SHANK2: variants seen among roughly 807,000 people sequenced by gnomAD.
SHANK2 encodes the protein SH3 and multiple ankyrin repeat domains protein 2.
Under a neutral mutation model 133.7 loss-of-function variants are expected in SHANK2, and 43 were observed. That is an observed-to-expected ratio of 0.32 (90% CI 0.25 to 0.41). The LOEUF is 0.41. SHANK2 is among the 10% of genes least tolerant of loss of function. SHANK2 has a pLI of 1.00. For missense variants in SHANK2, 1,994 were observed against 2,235.8 expected (o/e 0.89, Z 2.18); for synonymous variants, 1,017 against 952.8 (o/e 1.07, Z -1.24).
chr11:70,684,623 T>C (rs2134404633), intron 15 of SHANK2, among the ~76,000 whole-genome samples: 1 of 152,122 alleles, frequency 6.6e-6, no homozygotes, highest in South Asian at 2.1e-4. Flanking sequence ...CGGTTTGGTA[T>C]CTCACACTCC....
chr11:70,717,750 G>A (rs565829661), intron 14 of SHANK2, among the ~76,000 whole-genome samples: 2 of 151,944 alleles, frequency 1.3e-5, no homozygotes, highest in East Asian at 1.9e-4. Context: ...ACTGCTCCTC[G>A]GGGTCTCCAC....
chr11:70,884,505 G>A (rs1479289670), intron 11 of SHANK2, among the ~76,000 whole-genome samples: 5 of 152,320 alleles, frequency 3.3e-5, no homozygotes, highest in Admixed American at 6.5e-5. Context: ...AGCCAGCCCT[G>A]CCTTGGACCA....
chr11:70,619,941 A>T (rs1279924787), intron 17 of SHANK2, among the ~76,000 whole-genome samples: 1 of 152,186 alleles, frequency 6.6e-6, no homozygotes, highest in Non-Finnish European at 1.5e-5. Context: ...GGGAGGCAGG[A>T]GGGGAGAGTT....
intron 11 of SHANK2, chr11:70,895,351 C>T (rs1216227386): frequency 7.9e-5 from 12 of 152,784 alleles, no homozygotes; most frequent in African/African-American, 2.4e-4. Context: ...CCCAGGAGCA[C>T]CCCCCTGACC....
chr11:70,602,829 T>A (rs1388968696), intron 17 of SHANK2, among the ~76,000 whole-genome samples: 3 of 152,236 alleles, frequency 2.0e-5, no homozygotes, highest in Admixed American at 2.0e-4. Context: ...AATACATGCA[T>A]GATGTATGTT....
chr11:71,251,228 G>A (rs376257889), intron 1 of SHANK2, among the ~76,000 whole-genome samples: 2 of 152,126 alleles, frequency 1.3e-5, no homozygotes, highest in South Asian at 4.1e-4. Flanking sequence ...GGGTGCTCCA[G>A]CCCCACGGAA....
chr11:70,789,564 C>T (rs1209512886), intron 14 of SHANK2, among the ~76,000 whole-genome samples: 2 of 152,212 alleles, frequency 1.3e-5, no homozygotes, highest in African/African-American at 4.8e-5. Flanking sequence ...CCCATCAAGT[C>T]ACTTCCTCGG....
Position 70,486,251 on chromosome 11 carries a change from C to G in SHANK2, c.4042G>C (p.Val1348Leu). Residue 1348 changes from valine to leucine, a missense_variant, in exon 25 of 26, where the codon GTG becomes CTG. Val to Leu is a conservative substitution (Grantham distance 32). Coordinates refer to ENST00000601538, the MANE Select transcript of SHANK2 (RefSeq NM_012309.5). This position sits in a 1 kb window ranked among gnomAD's most constrained non-coding sequence, Gnocchi z 8.0. ...TCGGTTTCGGAAACACCTTCTGGCA[C>G]CTCGGACGGCGAGCTGTCTGGCTTC... Reference protein sequence around the residue: ...EMKPDSSPSEVPEGVSETEGA... With the variant: ...EMKPDSSPSELPEGVSETEGA... 6.2e-7 allele frequency: 1 copy of G among 1,614,026 alleles called. No homozygotes were observed. Among genetic ancestry groups the G allele is most frequent in the Non-Finnish European group, 8.5e-7 (1 of 1,180,030 alleles).
At chr11:70,542,420 C>G (rs1228630108) in intron 17 of SHANK2, among the ~76,000 whole-genome samples, 2 of 152,134 alleles carry the variant, frequency 1.3e-5, no homozygotes. Context: ...AAGGAAGGAC[C>G]CTCCCCTAGA....
chr11:71,160,102 C>T (rs1295303863), intron 2 of SHANK2, among the ~76,000 whole-genome samples: 1 of 152,062 alleles, frequency 6.6e-6, no homozygotes, highest in Non-Finnish European at 1.5e-5. Flanking sequence ...TACAGTCCAT[C>T]GCAGGGGACA....
intron 17 of SHANK2, among the ~76,000 whole-genome samples, chr11:70,584,258 G>A (rs1168625160): frequency 2.0e-5 from 3 of 152,134 alleles, no homozygotes; most frequent in Admixed American, 6.5e-5. Flanking sequence ...CCTGGCGCTC[G>A]AATCACATGC....
intron 17 of SHANK2, among the ~76,000 whole-genome samples, chr11:70,626,421 C>T (rs1591667504): frequency 6.6e-6 from 1 of 152,212 alleles, no homozygotes; most frequent in Non-Finnish European, 1.5e-5. Flanking sequence ...ACAGCGAAGC[C>T]TGGTGCTCCT....
At chr11:70,764,130 C>T (rs997638347) in intron 14 of SHANK2, among the ~76,000 whole-genome samples, 6 of 132,570 alleles carry the variant, frequency 4.5e-5, no homozygotes, top group Non-Finnish European at 9.7e-5. Flanking sequence ...ACACATCAAG[C>T]CTTCCTTTAT....
intron 10 of SHANK2, among the ~76,000 whole-genome samples, chr11:70,938,342 C>A (rs942557424): frequency 1.3e-5 from 2 of 152,064 alleles, no homozygotes; most frequent in Non-Finnish European, 2.9e-5. Flanking sequence ...AAGGTAGAAC[C>A]ACTTCATGAA....
At chr11:71,060,334 T>C (rs1449984319) in intron 9 of SHANK2, among the ~76,000 whole-genome samples, 12 of 152,166 alleles carry the variant, frequency 7.9e-5, no homozygotes, top group African/African-American at 2.9e-4. Context: ...GCTCCAAATG[T>C]TACTGATGAT....
chr11:70,836,319 G>A (rs1217867708), intron 11 of SHANK2, among the ~76,000 whole-genome samples: 3 of 152,220 alleles, frequency 2.0e-5, no homozygotes, highest in Admixed American at 6.5e-5. Context: ...GACAGTGCCC[G>A]CTTCCACCCT....
chr11:71,147,040 G>A (rs1952664584), intron 3 of SHANK2, 80 bp downstream of exon 3: 4 of 1,237,466 alleles, frequency 3.2e-6, no homozygotes, highest in South Asian at 1.5e-5. Context: ...GGTCCGGGGA[G>A]GACCAGAGCA....
At chr11:71,185,247 G>A (rs1221438968) in intron 2 of SHANK2, among the ~76,000 whole-genome samples, 1 of 152,200 alleles carries the variant, frequency 6.6e-6, no homozygotes, top group African/African-American at 2.4e-5. Context: ...TACACTCAAT[G>A]ATGGTGTACC....
chr11:70,945,252 C>A (rs538846611), intron 10 of SHANK2, among the ~76,000 whole-genome samples: 4 of 152,230 alleles, frequency 2.6e-5, no homozygotes, highest in African/African-American at 9.6e-5. Flanking sequence ...TAGTCAGAGT[C>A]CACAGCAGTG....
Sources: allele counts gnomAD v4.1 joint callset (sites outside exome capture counted in the v4.1 genomes callset), GRCh38; gene constraint gnomAD v4.1.1; non-coding constraint Gnocchi (gnomAD v3.1); transcripts MANE v1.5; gene names NCBI Gene and HGNC (gene_info 2026-07-23, HGNC 2026-07-21).